The following SRA1 variants were observed in gnomAD, a reference collection of about 807,000 sequenced individuals.
The protein encoded by SRA1 is steroid receptor RNA activator 1.
SRA1 carries 25 observed loss-of-function variants against 24.3 expected under a neutral mutation model. That is an observed-to-expected ratio of 1.03 (90% CI 0.75 to 1.43). SRA1 has a LOEUF of 1.43. Ranked by LOEUF, SRA1 falls within the 40% of genes most tolerant of loss-of-function variation. The probability of loss-of-function intolerance (pLI) is 0.00; values close to 1 mark genes in which losing one functional copy is unlikely to be tolerated. For missense variants in SRA1, 303 were observed against 286.6 expected, an observed-to-expected ratio of 1.06 and a Z score of -0.41; for synonymous variants, 104 against 109.5, an observed-to-expected ratio of 0.95 and a Z score of 0.31.
intron 3 of SRA1, 33 bp from the exon 4 acceptor site, chr5:140,551,202 C>T (rs1754550894): frequency 6.4e-7 from 1 of 1,566,992 alleles, no homozygotes; most frequent in Non-Finnish European, 8.8e-7. Flanking sequence ...CAATTCAGTG[C>T]TGCCAGCCCA....
chr5:140,557,503 C>A (rs935523102), upstream of SRA1: 10 of 1,537,624 alleles, frequency 6.5e-6, no homozygotes, highest in Non-Finnish European at 7.9e-6. Flanking sequence ...GGGGCGGCCC[C>A]TCACGCGGGC....
At position 140,557,338 on chromosome 5, in the gene SRA1, G is replaced by T. The variant is rs776610083; in HGVS notation, c.26-66C>A. ...ACTGTTAGCTTATACTGGGGCTGGG[G>T]GAGACAGAGGGTCCATACTAAGCGC... On this transcript the variant is annotated intron_variant, in intron 1 of 4. Transcript: ENST00000336283. The T allele has an allele frequency of 2.5e-6, 4 of 1,604,216 alleles. No individual in the cohort carries two copies. In the East Asian group the frequency reaches 8.9e-5, roughly 36 times the overall value.
In SRA1 at chr5:140,557,392, G is replaced by C. The variant is rs1023951147; in HGVS notation, c.25+36C>G. On this transcript the variant is annotated intron_variant, in intron 1 of 4. Transcript: ENST00000336283. ...AACCGCCCCCAGCCTAGGCCGGGGC[G>C]ACAACCTAGTGCCCTAGCCCGCCGG... 9 of 1,598,070 alleles carry C rather than the reference G, an allele frequency of 5.6e-6. No homozygotes were observed. In the South Asian group the frequency reaches 1.0e-4, roughly 18 times the overall value.
rs369490172 is a variant in SRA1 at position 140,557,243 on chromosome 5, G to A, written c.55C>T (p.Pro19Ser). 5.4e-5 allele frequency: 87 copies of A among 1,612,682 alleles called. No homozygotes were observed. The highest frequency in any genetic ancestry group is 6.7e-5 in the Non-Finnish European group (79 of 1,179,992). Residue 19 changes from proline (P) to serine (S), a missense_variant, in exon 2 of 5, where the codon CCG (proline) becomes TCG (serine). By Grantham distance (74) the Pro-to-Ser change is moderately conservative (BLOSUM62 -1). Coordinates refer to ENST00000336283, the MANE Select transcript of SRA1 (RefSeq NM_001035235.4). ...GTCTGCAGCCCGTATGAGAACTGCGGCGGGTCGTTCCAGCCGCGTTCCTTG... is the reference window on the plus strand; with the variant it reads ...GTCTGCAGCCCGTATGAGAACTGCGACGGGTCGTTCCAGCCGCGTTCCTTG... Reference protein sequence around the residue: ...GNKERGWNDPPQFSYGLQTQA... With the variant: ...GNKERGWNDPSQFSYGLQTQA...
rs1754516310 is a variant in SRA1, at chr5:140,550,505, C to G, written c.*195G>C. 1 of 616,318 alleles carries G rather than the reference C, an allele frequency of 1.6e-6. No homozygotes were observed. The allele number at this position is 616,318 out of a possible 1,614,324, so 38.2% of individuals were successfully genotyped here. ...AGGGTTCATCTCTCCTACCCAAGGC[C>G]CACCGCAGAGATGTTTTTATTGAAA... is the stretch of plus-strand genomic sequence containing the variant. On this transcript the variant is annotated 3_prime_UTR_variant, in exon 5 of 5. Coordinates refer to ENST00000336283, the MANE Select transcript of SRA1 (RefSeq NM_001035235.4).
At chr5:140,557,550 AATC>A, upstream of SRA1, 2 of 1,424,288 alleles carry the variant, frequency 1.4e-6, no homozygotes, top group South Asian at 2.7e-5. Context: ...GGGTTGCCGG[AATC>A]CGTGGAGGAT....
At chr5:140,552,920 A>G (rs977235549) in intron 2 of SRA1, among the ~76,000 whole-genome samples, 1 of 152,224 alleles carries the variant, frequency 6.6e-6, no homozygotes, top group African/African-American at 2.4e-5. Flanking sequence ...TTAATTCTAG[A>G]GGCAGGGAAA....
In SRA1 at chr5:140,550,128, T is replaced by G. The variant is rs905285104; in HGVS notation, c.*572A>C. 3 of 155,056 alleles carry G rather than the reference T, an allele frequency of 1.9e-5. No individual in the cohort carries two copies. Among genetic ancestry groups the G allele is most frequent in the Admixed American group, 6.3e-5 (1 of 15,752 alleles). The allele number at this position is 155,056 out of a possible 1,614,324, so 9.6% of individuals were successfully genotyped here. ...ATCCCCAATCTCAGTAATCTGGTCTTTTTCTCCTTCGATTTACACAGAAAA... is the reference window on the plus strand; with the variant it reads ...ATCCCCAATCTCAGTAATCTGGTCTGTTTCTCCTTCGATTTACACAGAAAA... On this transcript the variant is annotated 3_prime_UTR_variant, in exon 5 of 5. Transcript: ENST00000336283.
intron 2 of SRA1, among the ~76,000 whole-genome samples, chr5:140,554,315 G>A (rs1293480886): frequency 2.0e-5 from 3 of 152,142 alleles, no homozygotes; most frequent in Non-Finnish European, 4.4e-5. Flanking sequence ...ACCAAATACT[G>A]CCTGGACATT....
chr5:140,554,669 T>C (rs1253408431), intron 2 of SRA1, among the ~76,000 whole-genome samples: 1 of 152,204 alleles, frequency 6.6e-6, no homozygotes, highest in African/African-American at 2.4e-5. Context: ...TCTAGTATAT[T>C]ACTATCAAAA....
upstream of SRA1, chr5:140,557,511 G>A (rs1399840955): frequency 1.3e-6 from 2 of 1,532,156 alleles, no homozygotes; most frequent in Non-Finnish European, 8.8e-7. Flanking sequence ...CCCTCACGCG[G>A]GCCAGTTGAG....
At chr5:140,552,242 T>G in intron 2 of SRA1, 58 bp from the exon 3 acceptor site, 3 of 1,288,956 alleles carry the variant, frequency 2.3e-6, no homozygotes, top group Non-Finnish European at 3.2e-6. Context: ...AGCTTAACTC[T>G]AAATTCACCC....
In SRA1 at chr5:140,557,185, G is replaced by C. The variant is rs747750101; in HGVS notation, c.113C>G (p.Thr38Ser). Residue 38 changes from threonine (T) to serine (S), a missense_variant, in exon 2 of 5, where the codon ACC (threonine) becomes AGC (serine). Thr to Ser is a moderately conservative substitution (Grantham distance 58). Coordinates refer to ENST00000336283, the MANE Select transcript of SRA1 (RefSeq NM_001035235.4). ...QAGGPRRSLL[T>S]KRVAAPQDGS... ...ATCCTGGGGTGCGGCGACCCTCTTGGTAAGCAGCGAGCGCCTGGGTCCGCC... is the reference window on the plus strand; with the variant it reads ...ATCCTGGGGTGCGGCGACCCTCTTGCTAAGCAGCGAGCGCCTGGGTCCGCC... 2 of 1,613,100 alleles carry C rather than the reference G, an allele frequency of 1.2e-6. No homozygotes were observed. The highest frequency in any genetic ancestry group is 8.5e-7 in the Non-Finnish European group (1 of 1,179,884).
chr5:140,553,091 A>G (rs1041304422), intron 2 of SRA1, among the ~76,000 whole-genome samples: 1 of 152,334 alleles, frequency 6.6e-6, no homozygotes, highest in South Asian at 2.1e-4. Context: ...ACTTTCAGCA[A>G]GTTACTTTCA....
At chr5:140,554,807 T>C (rs1754647896) in intron 2 of SRA1, among the ~76,000 whole-genome samples, 1 of 152,210 alleles carries the variant, frequency 6.6e-6, no homozygotes, top group Non-Finnish European at 1.5e-5. Context: ...ATTCCAGCTG[T>C]TTCTGTTCTC....
rs575475245 is a variant in SRA1, at chr5:140,555,069, G to A, written c.151+2078C>T. The stretch of plus-strand genomic sequence containing the variant: ...ATTTTTTGTATTTTTAGTAGAGACA[G>A]GGTTTTACCACGTTGGCCAGGCTGG... On this transcript the variant is annotated intron_variant, in intron 2 of 4. Coordinates refer to ENST00000336283, the MANE Select transcript of SRA1 (RefSeq NM_001035235.4). 2.0e-5 allele frequency among the ~76,000 whole-genome samples: 3 copies of A among 152,082 alleles called. No homozygotes were observed. In the East Asian group the frequency reaches 5.8e-4, roughly 30 times the overall value.
chr5:140,555,227 C>T (rs754300982), intron 2 of SRA1, among the ~76,000 whole-genome samples: 5 of 151,118 alleles, frequency 3.3e-5, no homozygotes, highest in Non-Finnish European at 7.4e-5. Context: ...TGATTCATGT[C>T]TTTACGCTCT....
At position 140,557,163 on chromosome 5, in the gene SRA1, C is replaced by G. The variant is rs751585477; in HGVS notation, c.135G>C (p.Gln45His). The stretch of plus-strand genomic sequence containing the variant: ...CCCACGCACCTCTGGGGGATCCATC[C>G]TGGGGTGCGGCGACCCTCTTGGTAA... ...SLLTKRVAAP[Q>H]DGSPRVPASE... The change falls in exon 2 of 5, where the codon CAG (glutamine) becomes CAC (histidine). Residue 45 changes from glutamine to histidine, a missense_variant. Physicochemically the swap from Gln to His is conservative, Grantham distance 24 (BLOSUM62 0). Coordinates refer to ENST00000336283, the MANE Select transcript of SRA1 (RefSeq NM_001035235.4). 6.2e-7 allele frequency: 1 copy of G among 1,605,286 alleles called. No homozygotes were observed. The highest frequency in any genetic ancestry group is 8.5e-7 in the Non-Finnish European group (1 of 1,176,236).
chr5:140,557,107 CCATTCTCCGTCT>C, intron 2 of SRA1, 28 bp downstream of exon 2: 1 of 1,147,868 alleles, frequency 8.7e-7, no homozygotes, highest in Non-Finnish European at 1.2e-6. Flanking sequence ...CCCCCCCCCC[CCATTCTCCGTCT>C]GTCTCCGAGC....
Sources: allele counts gnomAD v4.1 joint callset (sites outside exome capture counted in the v4.1 genomes callset), GRCh38; gene constraint gnomAD v4.1.1; transcripts MANE v1.5; gene names NCBI Gene and HGNC (gene_info 2026-07-23, HGNC 2026-07-21).